Variants in IQCJ observed in about 807,000 individuals in gnomAD.
IQCJ encodes the protein IQ motif containing J.
A neutral mutation model predicts 11.0 loss-of-function variants in IQCJ; 9 were observed. The observed-to-expected ratio is 0.82, with a 90% CI of 0.49 to 1.43. The LOEUF is 1.43. Among genes scored for constraint, IQCJ ranks in the 40% most tolerant of loss-of-function variants. The pLI is 0.00. For missense variants in IQCJ, 146 were observed against 133.2 expected (o/e 1.10, Z -0.47); for synonymous variants, 55 against 51.3 (o/e 1.07, Z -0.31).
intron 1 of IQCJ, among the ~76,000 whole-genome samples, chr3:159,152,252 A>G (rs565240979): frequency 1.3e-5 from 2 of 152,200 alleles, no homozygotes; most frequent in Non-Finnish European, 2.9e-5. Flanking sequence ...TGGCTGTGAA[A>G]TCAGGTCACT....
intron 1 of IQCJ, among the ~76,000 whole-genome samples, chr3:159,159,657 G>C (rs1357751125): frequency 1.3e-5 from 2 of 152,120 alleles, no homozygotes; most frequent in African/African-American, 4.8e-5. Flanking sequence ...GCTATGGTTT[G>C]TATGTTTTGT....
chr3:159,192,563 T>C (rs193200296), intron 1 of IQCJ, among the ~76,000 whole-genome samples: 1 of 152,302 alleles, frequency 6.6e-6, no homozygotes, highest in Admixed American at 6.5e-5. Flanking sequence ...TTCAGAGTTA[T>C]TTGGAGTTGA....
At chr3:159,182,198 A>C (rs1333880889) in intron 1 of IQCJ, among the ~76,000 whole-genome samples, 1 of 150,496 alleles carries the variant, frequency 6.6e-6, no homozygotes, top group East Asian at 1.9e-4. Flanking sequence ...TACCAACAAA[A>C]TTATACTTTT....
chr3:159,155,646 G>A (rs1368853054), intron 1 of IQCJ, among the ~76,000 whole-genome samples: 1 of 152,124 alleles, frequency 6.6e-6, no homozygotes. Flanking sequence ...TTCAACTTCT[G>A]ACATGAGAAG....
rs1727233048 is a variant in IQCJ, at chr3:159,245,752, T to A, written c.10-91T>A. ...GCAGTCCAGAACTCTTAATGTTGTGTTGTATCAATTTTGCTAACAGTTATG... is the reference window on the plus strand; with the variant it reads ...GCAGTCCAGAACTCTTAATGTTGTGATGTATCAATTTTGCTAACAGTTATG... On this transcript the variant is annotated intron_variant, in intron 1 of 3. Transcript: ENST00000397832. 2.7e-6 allele frequency: 3 copies of A among 1,100,268 alleles called. No homozygotes were observed. The Admixed American group carries it at 7.0e-5, about 26-fold the overall frequency. 68.2% of individuals were successfully genotyped at this position (1,100,268 alleles called of 1,614,324 possible).
chr3:159,161,887 T>G (rs1031373301), intron 1 of IQCJ, among the ~76,000 whole-genome samples: 6 of 152,240 alleles, frequency 3.9e-5, no homozygotes, highest in African/African-American at 7.2e-5. Flanking sequence ...TCCATTGATC[T>G]ATATCTCTGT....
At chr3:159,101,978 C>T (rs1477523567) in intron 1 of IQCJ, among the ~76,000 whole-genome samples, 1 of 152,216 alleles carries the variant, frequency 6.6e-6, no homozygotes, top group Admixed American at 6.5e-5. Flanking sequence ...TGTTTGACTG[C>T]TTTTCAGCTT....
At chr3:159,075,062 T>C (rs1011388142) in intron 1 of IQCJ, among the ~76,000 whole-genome samples, 1 of 152,132 alleles carries the variant, frequency 6.6e-6, no homozygotes, top group African/African-American at 2.4e-5. Context: ...AGATTCACAT[T>C]ATACATGATT....
chr3:159,189,907 G>A (rs926913253), intron 1 of IQCJ, among the ~76,000 whole-genome samples: 1 of 152,102 alleles, frequency 6.6e-6, no homozygotes, highest in African/African-American at 2.4e-5. Flanking sequence ...CCTCAAGTCT[G>A]CACTTATGCT....
chr3:159,145,054 CT>C (rs1437098486), intron 1 of IQCJ, among the ~76,000 whole-genome samples: 1 of 152,134 alleles, frequency 6.6e-6, no homozygotes, highest in Non-Finnish European at 1.5e-5. Flanking sequence ...CCTCTGTTTC[CT>C]TTCATTGGTG....
chr3:159,148,022 G>A (rs1721011671), intron 1 of IQCJ, among the ~76,000 whole-genome samples: 1 of 152,252 alleles, frequency 6.6e-6, no homozygotes, highest in African/African-American at 2.4e-5. Context: ...CCCCAGAACT[G>A]CTGAATCAGA....
chr3:159,253,617 AC>A (rs1727728297), intron 3 of IQCJ, among the ~76,000 whole-genome samples: 2 of 123,970 alleles, frequency 1.6e-5, no homozygotes, highest in Non-Finnish European at 3.9e-5. Context: ...ACAAACACAC[AC>A]ACACACACAC....
chr3:159,096,452 C>T (rs1717763205), intron 1 of IQCJ, among the ~76,000 whole-genome samples: 1 of 133,606 alleles, frequency 7.5e-6, no homozygotes, highest in African/African-American at 2.9e-5. Flanking sequence ...CGCCTATGTC[C>T]TGAATGGTAA....
intron 1 of IQCJ, among the ~76,000 whole-genome samples, chr3:159,161,579 G>A (rs1226310280): frequency 6.6e-6 from 1 of 152,086 alleles, no homozygotes; most frequent in Non-Finnish European, 1.5e-5. Flanking sequence ...CATTGCTTTT[G>A]GTGTTTTAGA....
At chr3:159,152,532 C>A (rs1721291336) in intron 1 of IQCJ, among the ~76,000 whole-genome samples, 1 of 152,190 alleles carries the variant, frequency 6.6e-6, no homozygotes, top group South Asian at 2.1e-4. Flanking sequence ...CTCAGCCACT[C>A]ACTAAATGTG....
At chr3:159,150,957 G>T (rs1380794771) in intron 1 of IQCJ, among the ~76,000 whole-genome samples, 1 of 152,192 alleles carries the variant, frequency 6.6e-6, no homozygotes, top group Non-Finnish European at 1.5e-5. Context: ...CCATCCCCTG[G>T]TCCTGCGTGC....
At chr3:159,143,190 A>G (rs1277850165) in intron 1 of IQCJ, among the ~76,000 whole-genome samples, 2 of 152,234 alleles carry the variant, frequency 1.3e-5, no homozygotes, top group African/African-American at 2.4e-5. Context: ...TGAAAAAATC[A>G]CAGCATCTTT....
intron 1 of IQCJ, among the ~76,000 whole-genome samples, chr3:159,214,312 G>A (rs1476546941): frequency 6.6e-6 from 1 of 151,996 alleles, no homozygotes; most frequent in Non-Finnish European, 1.5e-5. Context: ...TACAACCTGG[G>A]GGTAGCTCCA....
intron 1 of IQCJ, among the ~76,000 whole-genome samples, chr3:159,102,393 G>T (rs1393241940): frequency 1.3e-5 from 2 of 152,202 alleles, no homozygotes; most frequent in African/African-American, 2.4e-5. Flanking sequence ...AAAAATAGTT[G>T]CAGAGATTGG....
Sources: gnomAD v4.1 joint callset for allele counts (sites outside exome capture counted in the v4.1 genomes callset) on GRCh38, gnomAD v4.1.1 for gene constraint, MANE v1.5 for transcripts, NCBI Gene and HGNC (gene_info 2026-07-23, HGNC 2026-07-21) for gene names.